HIVEP2: variants seen among roughly 807,000 people sequenced by gnomAD.
HIVEP2 encodes HIVEP zinc finger 2.
HIVEP2 carries 14 observed loss-of-function variants against 180.7 expected under a neutral mutation model. That is an observed-to-expected ratio of 0.08 (90% CI 0.05 to 0.12). The LOEUF (loss-of-function observed/expected upper bound fraction) is 0.12, where lower values mean the gene tolerates loss of function less well. Ranked by LOEUF, HIVEP2 falls within the 10% of genes least tolerant of loss-of-function variation. HIVEP2 has a pLI of 1.00. For synonymous variants in HIVEP2, 1,184 were observed against 1,136.4 expected (o/e 1.04, Z -0.84); for missense variants, 2,579 against 3,008.5 (o/e 0.86, Z 3.34).
intron 1 of HIVEP2, among the ~76,000 whole-genome samples, chr6:142,923,639 C>A (rs1393238987): frequency 6.6e-6 from 1 of 152,024 alleles, no homozygotes; most frequent in Non-Finnish European, 1.5e-5. Flanking sequence ...GAAATGAAGA[C>A]CCCTTGCTCA....
chr6:142,753,697 G>C lies in HIVEP2; in HGVS notation c.6751C>G (p.Pro2251Ala), dbSNP rs1774989517. The C allele has an allele frequency of 1.2e-6, 2 of 1,614,186 alleles. No individual in the cohort carries two copies. Among genetic ancestry groups the C allele is most frequent in the Non-Finnish European group, 1.7e-6 (2 of 1,180,032 alleles). Residue 2251 changes from proline to alanine, a missense_variant, in exon 10 of 10, where the codon CCC becomes GCC. Transcript: ENST00000367603. ...CCCTCCATTGGCAGGGGCAATGTGG[G>C]TGAAGGATGTAAACTGGAAAGGGCT... ...PPALSSLHPS[P>A]TLPLPMEGFE...
At chr6:142,864,176 C>T (rs1776076883) in intron 1 of HIVEP2, among the ~76,000 whole-genome samples, 1 of 152,102 alleles carries the variant, frequency 6.6e-6, no homozygotes, top group Non-Finnish European at 1.5e-5. Context: ...CCCCTCAGCC[C>T]AGCAGCCTTG....
At chr6:142,779,684 A>G (rs1775794824) in intron 3 of HIVEP2, 1 of 152,204 alleles carries the variant, frequency 6.6e-6, no homozygotes, top group African/African-American at 2.4e-5. Flanking sequence ...ACAATTTTAT[A>G]AAAAACAGGG....
chr6:142,792,057 T>C (rs1776150759), intron 2 of HIVEP2, among the ~76,000 whole-genome samples: 1 of 152,124 alleles, frequency 6.6e-6, no homozygotes, highest in East Asian at 1.9e-4. Flanking sequence ...AGAAGGGGTA[T>C]TGGAGAAACA....
intron 2 of HIVEP2, among the ~76,000 whole-genome samples, chr6:142,827,988 T>C (rs1302264817): frequency 6.6e-6 from 1 of 152,248 alleles, no homozygotes; most frequent in Non-Finnish European, 1.5e-5. Flanking sequence ...TCATCCTGTG[T>C]TTGCTGTGTT....
chr6:142,924,273 C>T (rs1483944523), intron 1 of HIVEP2, among the ~76,000 whole-genome samples: 2 of 152,172 alleles, frequency 1.3e-5, no homozygotes, highest in Admixed American at 6.5e-5. Context: ...CCGAAGACTA[C>T]AAAATAGCAT....
rs866303512 is a variant in HIVEP2 at position 142,797,803 on chromosome 6, T to A, written c.-527-14188A>T. On this transcript the variant is annotated intron_variant, in intron 2 of 9. Transcript: ENST00000367603. ...AATTAAACTTTATCATAGGTATGTA[T>A]GCACAGAAGAAATCATAGTATACAT... 3.3e-5 allele frequency among the ~76,000 whole-genome samples: 5 copies of A among 152,054 alleles called. 1 individual carries two copies. Among genetic ancestry groups the A allele is most frequent in the Admixed American group, 3.3e-4 (5 of 15,268 alleles).
intron 2 of HIVEP2, among the ~76,000 whole-genome samples, chr6:142,811,183 ATG>A (rs35151863): frequency 6.7e-6 from 1 of 148,714 alleles, no homozygotes; most frequent in Non-Finnish European, 1.5e-5. Context: ...AGGCACGTGC[ATG>A]TGTGTGTGTG....
At chr6:142,849,142 A>G (rs1449144952) in intron 1 of HIVEP2, among the ~76,000 whole-genome samples, 1 of 152,206 alleles carries the variant, frequency 6.6e-6, no homozygotes. Flanking sequence ...GCAAAGGTAC[A>G]CAAATGTGTT....
At chr6:142,812,934 G>A (rs570911103) in intron 2 of HIVEP2, among the ~76,000 whole-genome samples, 1 of 152,096 alleles carries the variant, frequency 6.6e-6, no homozygotes, top group Non-Finnish European at 1.5e-5. Flanking sequence ...AAGTGAAACA[G>A]ACAAAATACT....
At chr6:142,919,971 T>A (rs1447777597) in intron 1 of HIVEP2, among the ~76,000 whole-genome samples, 1 of 152,256 alleles carries the variant, frequency 6.6e-6, no homozygotes, top group African/African-American at 2.4e-5. Context: ...CTTTGTTCTG[T>A]ATAAAAACAG....
chr6:142,798,145 A>T (rs1776322749), intron 2 of HIVEP2, among the ~76,000 whole-genome samples: 1 of 151,984 alleles, frequency 6.6e-6, no homozygotes, highest in Non-Finnish European at 1.5e-5. Flanking sequence ...AGACAGCCTG[A>T]TGGCACATCT....
chr6:142,802,718 C>T (rs1362380803), intron 2 of HIVEP2, among the ~76,000 whole-genome samples: 8 of 152,010 alleles, frequency 5.3e-5, no homozygotes, highest in East Asian at 1.9e-4. Context: ...GAATCACTCC[C>T]TAATAAGGGA....
At chr6:142,820,297 T>TTTTCTCTCTCTCTCTC (rs1776994419) in intron 2 of HIVEP2, among the ~76,000 whole-genome samples, 1 of 148,282 alleles carries the variant, frequency 6.7e-6, no homozygotes, top group Non-Finnish European at 1.5e-5. Context: ...TCGCTCTCTC[T>TTTTCTCTCTCTCTCTC]TCTCTCTCTC....
At chr6:142,796,440 T>C (rs1390695471) in intron 2 of HIVEP2, among the ~76,000 whole-genome samples, 2 of 152,178 alleles carry the variant, frequency 1.3e-5, no homozygotes, top group African/African-American at 4.8e-5. Flanking sequence ...CTGTATTATA[T>C]ACTGTATTCC....
intron 2 of HIVEP2, among the ~76,000 whole-genome samples, chr6:142,798,860 T>C (rs866134729): frequency 6.6e-6 from 1 of 152,150 alleles, no homozygotes; most frequent in Non-Finnish European, 1.5e-5. Flanking sequence ...TTAAATGAGA[T>C]AGCACATGCA....
In HIVEP2 at chr6:142,920,318, C is replaced by T. The variant is rs1488138780; in HGVS notation, c.-641+24781G>A. 5.3e-5 allele frequency among the ~76,000 whole-genome samples: 8 copies of T among 152,302 alleles called. No individual in the cohort carries two copies. The East Asian group carries it at 1.5e-3, about 29-fold the overall frequency. Reference sequence around the variant, plus strand: ...TCCGAAGTCCTGGCTTCCAAAGGTTCGGCATGCAGAGCTGACCTTGGTCTA... The same window carrying T: ...TCCGAAGTCCTGGCTTCCAAAGGTTTGGCATGCAGAGCTGACCTTGGTCTA... On this transcript the variant is annotated intron_variant, in intron 1 of 9. Coordinates refer to ENST00000367603, the MANE Select transcript of HIVEP2 (RefSeq NM_006734.4).
intron 6 of HIVEP2, 69 bp downstream of exon 6, chr6:142,768,313 T>G: frequency 7.0e-7 from 1 of 1,423,276 alleles, no homozygotes; most frequent in Non-Finnish European, 9.6e-7. Context: ...ACCTTTTCCA[T>G]GCAGACATTC....
In HIVEP2 at chr6:142,784,347, A is replaced by T. The variant is rs2743963; in HGVS notation, c.-527-732T>A. Among the ~76,000 whole-genome samples, 119 of 152,168 alleles carry T rather than the reference A, an allele frequency of 7.8e-4. 1 individual carries two copies. The East Asian group carries it at 0.022, about 28-fold the overall frequency. ...TTTTGTCCTGACAAGTTATTACAAAACTCCCATAAGAATAACTAAAGCATT... is the reference window on the plus strand; with the variant it reads ...TTTTGTCCTGACAAGTTATTACAAATCTCCCATAAGAATAACTAAAGCATT... On this transcript the variant is annotated intron_variant, in intron 2 of 9. Transcript: ENST00000367603.
Sources: gnomAD v4.1 joint callset for allele counts (sites outside exome capture counted in the v4.1 genomes callset) on GRCh38, gnomAD v4.1.1 for gene constraint, MANE v1.5 for transcripts, NCBI Gene and HGNC (gene_info 2026-07-23, HGNC 2026-07-21) for gene names.